Variants in PDE10A observed in about 807,000 individuals in gnomAD.
PDE10A encodes phosphodiesterase 10A.
PDE10A carries 39 observed loss-of-function variants against 97.7 expected under a neutral mutation model. The observed-to-expected ratio is 0.40, with a 90% confidence interval of 0.31 to 0.52. The LOEUF (loss-of-function observed/expected upper bound fraction) is 0.52. PDE10A is among the 20% of genes least tolerant of loss of function. The pLI is 0.56. For synonymous variants in PDE10A, 371 were observed against 376.8 expected, an observed-to-expected ratio of 0.98 and a Z score of 0.18; for missense variants, 731 against 1,047.8, an observed-to-expected ratio of 0.70 and a Z score of 4.17.
Position 165,450,352 on chromosome 6 carries a change from G to T in PDE10A, c.1034C>A (p.Thr345Lys), listed in dbSNP as rs373852059. 2 of 1,528,412 alleles carry T rather than the reference G, an allele frequency of 1.3e-6. No homozygotes were observed. Among genetic ancestry groups the T allele is most frequent in the Non-Finnish European group, 1.8e-6 (2 of 1,118,926 alleles). 94.7% of individuals were successfully genotyped at this position (1,528,412 alleles called of 1,614,324 possible). A position where few individuals can be genotyped will look rare whatever the true frequency, so the allele number is the denominator to read the frequency against. Residue 345 changes from threonine (T) to lysine (K), a missense_variant, in exon 4 of 22, where the codon ACG becomes AAG. Physicochemically the swap from Thr to Lys is moderately conservative, Grantham distance 78. Transcript: ENST00000539869. ...TTCATATACAACTCCCTGCATATTCGTATCTTGGTACTTTGGATTAAAAAT... is the reference window on the plus strand; with the variant it reads ...TTCATATACAACTCCCTGCATATTCTTATCTTGGTACTTTGGATTAAAAAT... ...APKEVSRYQD[T>K]NMQGVVYELN... is the part of the protein sequence containing the mutation.
chr6:165,646,655 G>C (rs892852290), intron 1 of PDE10A, among the ~76,000 whole-genome samples: 2 of 152,176 alleles, frequency 1.3e-5, no homozygotes, highest in African/African-American at 4.8e-5. Context: ...ATGATGTCGA[G>C]GAAAGACAGG....
chr6:165,476,344 T>C (rs996980042), intron 3 of PDE10A, among the ~76,000 whole-genome samples: 5 of 152,114 alleles, frequency 3.3e-5, no homozygotes, highest in Non-Finnish European at 7.4e-5. Context: ...AACAGTATAA[T>C]AAGACAGATT....
At chr6:165,595,058 A>G (rs1353741945) in intron 1 of PDE10A, among the ~76,000 whole-genome samples, 1 of 152,210 alleles carries the variant, frequency 6.6e-6, no homozygotes, top group African/African-American at 2.4e-5. Flanking sequence ...AAGTGAGTCA[A>G]TTCTGAAACC....
At chr6:165,732,243 A>C (rs1175176398) in intron 1 of PDE10A, among the ~76,000 whole-genome samples, 1 of 152,166 alleles carries the variant, frequency 6.6e-6, no homozygotes, top group Admixed American at 6.5e-5. Context: ...TTTATGATTT[A>C]AGGTAACTCA....
At chr6:165,756,329 A>G (rs935605060) in intron 1 of PDE10A, among the ~76,000 whole-genome samples, 1 of 152,172 alleles carries the variant, frequency 6.6e-6, no homozygotes, top group African/African-American at 2.4e-5. Context: ...CATTGTTCAA[A>G]AATTTTTTAA....
intron 1 of PDE10A, among the ~76,000 whole-genome samples, chr6:165,588,125 T>C (rs1438526299): frequency 6.6e-6 from 1 of 152,198 alleles, no homozygotes; most frequent in Non-Finnish European, 1.5e-5. Flanking sequence ...AAATGGTATG[T>C]ATAACTATAT....
At chr6:165,457,640 A>G (rs2128254829) in intron 3 of PDE10A, among the ~76,000 whole-genome samples, 1 of 152,320 alleles carries the variant, frequency 6.6e-6, no homozygotes, top group South Asian at 2.1e-4. Flanking sequence ...ATTTTAATAT[A>G]TCCTGAGTTA....
intron 1 of PDE10A, among the ~76,000 whole-genome samples, chr6:165,691,194 TCTCTCTCC>T (rs1791282685): frequency 3.9e-5 from 2 of 51,290 alleles, no homozygotes; most frequent in Admixed American, 1.8e-4. Flanking sequence ...TCTCCCTCTC[TCTCTCTCC>T]CCACACACAC....
intron 1 of PDE10A, among the ~76,000 whole-genome samples, chr6:165,669,737 C>T (rs1047051572): frequency 1.8e-4 from 27 of 152,222 alleles, no homozygotes; most frequent in Non-Finnish European, 2.8e-4. Flanking sequence ...GATCTCTACC[C>T]GGGAATATTG....
intron 5 of PDE10A, among the ~76,000 whole-genome samples, chr6:165,443,532 C>T (rs902711264): frequency 4.6e-5 from 7 of 152,158 alleles, no homozygotes; most frequent in African/African-American, 1.7e-4. Context: ...GGTGGATCTA[C>T]CATTCTAAGG....
intron 1 of PDE10A, among the ~76,000 whole-genome samples, chr6:165,618,265 A>G (rs1787818146): frequency 6.6e-6 from 1 of 152,102 alleles, no homozygotes; most frequent in Non-Finnish European, 1.5e-5. Flanking sequence ...TTACTCTGTT[A>G]ATGTAACAAG....
At chr6:165,699,840 A>G (rs1396513953) in intron 1 of PDE10A, among the ~76,000 whole-genome samples, 6 of 152,204 alleles carry the variant, frequency 3.9e-5, no homozygotes, top group Non-Finnish European at 8.8e-5. Flanking sequence ...CAGTGCTTAA[A>G]GGGAAATTTA....
intron 1 of PDE10A, among the ~76,000 whole-genome samples, chr6:165,840,172 A>G (rs1334646001): frequency 1.4e-5 from 2 of 147,632 alleles, no homozygotes; most frequent in Non-Finnish European, 3.0e-5. Context: ...CTTCATCCCA[A>G]TTTCCATCCT....
intron 20 of PDE10A, among the ~76,000 whole-genome samples, chr6:165,337,990 T>C (rs1289668507): frequency 3.9e-5 from 6 of 152,172 alleles, no homozygotes; most frequent in Admixed American, 2.6e-4. Context: ...AAATACAATA[T>C]GAAAAGCAGA....
intron 1 of PDE10A, among the ~76,000 whole-genome samples, chr6:165,842,339 C>T (rs1237926387): frequency 6.6e-6 from 1 of 152,178 alleles, no homozygotes; most frequent in East Asian, 1.9e-4. Context: ...AAATAAGCCA[C>T]TTAGTGCCAC....
At chr6:165,391,328 T>G (rs747211292) in intron 16 of PDE10A, among the ~76,000 whole-genome samples, 1 of 152,214 alleles carries the variant, frequency 6.6e-6, no homozygotes, top group Non-Finnish European at 1.5e-5. Flanking sequence ...AATTAGGAAC[T>G]TAAATGAGAG....
chr6:165,837,042 A>G (rs1361374653), intron 1 of PDE10A, among the ~76,000 whole-genome samples: 4 of 110,372 alleles, frequency 3.6e-5, no homozygotes, highest in Non-Finnish European at 1.7e-5. Context: ...CACTCTGGGG[A>G]CTGTTGTGGG....
chr6:165,489,434 A>C (rs1218015920), intron 2 of PDE10A, among the ~76,000 whole-genome samples: 1 of 152,234 alleles, frequency 6.6e-6, no homozygotes, highest in African/African-American at 2.4e-5. Flanking sequence ...CATGGGATAA[A>C]AGAATCTGAA....
chr6:165,525,948 TA>T (rs1488477916), intron 2 of PDE10A, among the ~76,000 whole-genome samples: 18 of 152,148 alleles, frequency 1.2e-4, no homozygotes, highest in Non-Finnish European at 1.5e-5. Flanking sequence ...AAGAGTAATT[TA>T]AATTATAAAA....
Sources: allele counts gnomAD v4.1 joint callset (sites outside exome capture counted in the v4.1 genomes callset), GRCh38; gene constraint gnomAD v4.1.1; transcripts MANE v1.5; gene names NCBI Gene and HGNC (gene_info 2026-07-23, HGNC 2026-07-21).